Variants in FNIP1 observed in about 807,000 individuals in gnomAD.
FNIP1 encodes the protein folliculin interacting protein 1.
A neutral mutation model predicts 124.5 loss-of-function variants in FNIP1; 40 were observed. The observed-to-expected ratio is 0.32, with a 90% CI of 0.25 to 0.42. The LOEUF (loss-of-function observed/expected upper bound fraction) is 0.42. Ranked by LOEUF, FNIP1 falls within the 10% of genes least tolerant of loss-of-function variation. The probability of loss-of-function intolerance (pLI) is 1.00; values close to 1 mark genes in which losing one functional copy is unlikely to be tolerated. For missense variants in FNIP1, 1,176 were observed against 1,403.7 expected, an observed-to-expected ratio of 0.84 and a Z score of 2.59; for synonymous variants, 472 against 470.6, an observed-to-expected ratio of 1.00 and a Z score of -0.04.
chr5:131,758,740 T>C (rs901182863), intron 1 of FNIP1, among the ~76,000 whole-genome samples: 1 of 152,166 alleles, frequency 6.6e-6, no homozygotes, highest in Non-Finnish European at 1.5e-5. Context: ...ATAGACACTT[T>C]CCTTTACACA....
At chr5:131,671,247 G>A (rs1410101645) in intron 14 of FNIP1, among the ~76,000 whole-genome samples, 2 of 152,106 alleles carry the variant, frequency 1.3e-5, no homozygotes, top group African/African-American at 2.4e-5. Context: ...CTCCTAAATG[G>A]CTTGAAACCT....
At chr5:131,721,288 C>T (rs977291410) in intron 3 of FNIP1, among the ~76,000 whole-genome samples, 2 of 151,928 alleles carry the variant, frequency 1.3e-5, no homozygotes, top group African/African-American at 2.4e-5. Context: ...TTTAAAATAG[C>T]CAAATTTACA....
intron 1 of FNIP1, among the ~76,000 whole-genome samples, chr5:131,748,321 G>A (rs1385230686): frequency 6.6e-6 from 1 of 152,148 alleles, no homozygotes; most frequent in African/African-American, 2.4e-5. Context: ...TGATGCTCAT[G>A]TAAACAAACC....
chr5:131,726,272 C>T (rs962697498), intron 3 of FNIP1, among the ~76,000 whole-genome samples: 4 of 152,128 alleles, frequency 2.6e-5, no homozygotes, highest in Non-Finnish European at 5.9e-5. Flanking sequence ...AGGAATGGCA[C>T]CAGCTCCTCG....
At chr5:131,695,031 G>A (rs1205987235) in intron 11 of FNIP1, among the ~76,000 whole-genome samples, 1 of 151,934 alleles carries the variant, frequency 6.6e-6, no homozygotes, top group Non-Finnish European at 1.5e-5. Context: ...TTGAACCCTG[G>A]GAGGCAGAGG....
intron 12 of FNIP1, among the ~76,000 whole-genome samples, chr5:131,678,347 A>G (rs1767970353): frequency 6.6e-6 from 1 of 152,212 alleles, no homozygotes; most frequent in African/African-American, 2.4e-5. Flanking sequence ...AAAATAATAC[A>G]ATACGATAAA....
chr5:131,697,968 CAAAAAAAAAAA>C (rs753487190), intron 11 of FNIP1, among the ~76,000 whole-genome samples: 2 of 58,774 alleles, frequency 3.4e-5, no homozygotes, highest in African/African-American at 8.7e-5. Context: ...GACTCCACCT[CAAAAAAAAAAA>C]AAAAAAAAAA....
At position 131,704,182 on chromosome 5, in the gene FNIP1, C is replaced by T. The variant is rs1192987686; in HGVS notation, c.999G>A (p.Gly333=). Residue 333 remains glycine (G), a synonymous_variant, in exon 10 of 18, where the codon GGG becomes GGA. Transcript: ENST00000510461. ...GIVRKKKIAI[G]VIFSLSKDED... is the part of the protein sequence containing the mutation. Reference sequence around the variant, plus strand: ...CATCTTTGGACAATGAAAAGATTACCCCAATTGCAATCTTCTTTTTCCGCA... The same window carrying T: ...CATCTTTGGACAATGAAAAGATTACTCCAATTGCAATCTTCTTTTTCCGCA... 3 of 1,612,848 alleles carry T rather than the reference C, an allele frequency of 1.9e-6. No individual in the cohort carries two copies. The African/African-American group carries it at 4.0e-5, about 22-fold the overall frequency.
intron 1 of FNIP1, among the ~76,000 whole-genome samples, chr5:131,749,441 G>A (rs1770793655): frequency 1.4e-5 from 2 of 146,470 alleles, no homozygotes; most frequent in Admixed American, 7.0e-5. Context: ...CGTCCAGGCT[G>A]AAGTGCAGTG....
intron 6 of FNIP1, among the ~76,000 whole-genome samples, chr5:131,713,446 T>C (rs1769368303): frequency 1.3e-5 from 2 of 152,196 alleles, no homozygotes; most frequent in Admixed American, 1.3e-4. Flanking sequence ...TTCCCGTGCT[T>C]TCAATTATAA....
At chr5:131,713,813 A>C (rs1446448421) in intron 6 of FNIP1, among the ~76,000 whole-genome samples, 1 of 152,096 alleles carries the variant, frequency 6.6e-6, no homozygotes, top group Non-Finnish European at 1.5e-5. Context: ...CGAATTTCTC[A>C]ACAACTATCC....
intron 9 of FNIP1, 89 bp downstream of exon 9, chr5:131,706,321 CA>C: frequency 7.5e-7 from 1 of 1,327,556 alleles, no homozygotes; most frequent in East Asian, 2.5e-5. Context: ...TTAAAATACA[CA>C]GAATACAAGT....
At chr5:131,651,215 T>C (rs912897002) in intron 16 of FNIP1, among the ~76,000 whole-genome samples, 11 of 151,830 alleles carry the variant, frequency 7.2e-5, no homozygotes, top group African/African-American at 2.7e-4. Flanking sequence ...TGGGGCAAAA[T>C]GCCATCTCTA....
chr5:131,679,698 AT>A (rs1395678543), intron 11 of FNIP1, among the ~76,000 whole-genome samples: 1 of 152,180 alleles, frequency 6.6e-6, no homozygotes, highest in Non-Finnish European at 1.5e-5. Flanking sequence ...TACATGCTAC[AT>A]TTTATGACTC....
chr5:131,745,159 A>C (rs1770633543), intron 1 of FNIP1, among the ~76,000 whole-genome samples: 1 of 144,272 alleles, frequency 6.9e-6, no homozygotes, highest in Non-Finnish European at 1.5e-5. Context: ...AAAACAAGCC[A>C]AAAAAAAAAA....
At chr5:131,675,677 A>G (rs1767888686) in intron 13 of FNIP1, among the ~76,000 whole-genome samples, 1 of 152,150 alleles carries the variant, frequency 6.6e-6, no homozygotes, top group Admixed American at 6.5e-5. Context: ...CATGACAGAA[A>G]GTAGGCCAGT....
rs1767999328 is a variant in FNIP1, at chr5:131,679,170, G to A, written c.1208C>T (p.Thr403Ile). 6.4e-7 allele frequency: 1 copy of A among 1,568,180 alleles called. No individual in the cohort carries two copies. The highest frequency in any genetic ancestry group is 1.7e-5 in the Admixed American group (1 of 59,066). The change falls in exon 12 of 18, where the codon ACA becomes ATA. Residue 403 changes from threonine (T) to isoleucine (I), a missense_variant. Around this residue, in one of 2 missense-constraint regions of FNIP1, gnomAD observed 1,109 missense variants for 1,288.5 expected, o/e 0.86. Coordinates refer to ENST00000510461, the MANE Select transcript of FNIP1 (RefSeq NM_133372.3). ...TGGCATCGTGTAAAGATTACAAATT[G>A]TTGTTCTAAAAAGAGGAAGACACAT... is the stretch of plus-strand genomic sequence containing the variant. ...IVDALNEFRT[T>I]ICNLYTMPRI...
At chr5:131,746,419 CCT>C (rs1239894396) in intron 1 of FNIP1, among the ~76,000 whole-genome samples, 1 of 152,080 alleles carries the variant, frequency 6.6e-6, no homozygotes, top group Non-Finnish European at 1.5e-5. Flanking sequence ...AACTCTTGCC[CCT>C]CTCCCTCCTG....
intron 1 of FNIP1, among the ~76,000 whole-genome samples, chr5:131,791,052 C>T (rs1416054480): frequency 1.3e-5 from 2 of 152,132 alleles, no homozygotes; most frequent in Non-Finnish European, 2.9e-5. Flanking sequence ...TTAAAACACA[C>T]TAAAATCCAA....
Sources: gnomAD v4.1 joint callset for allele counts (sites outside exome capture counted in the v4.1 genomes callset) on GRCh38, gnomAD v4.1.1 for gene constraint, gnomAD v4.1.1 regional missense constraint, MANE v1.5 for transcripts, NCBI Gene and HGNC (gene_info 2026-07-23, HGNC 2026-07-21) for gene names.